FLI1: variants seen among roughly 807,000 people sequenced by gnomAD.
The protein encoded by FLI1 is Fli-1 proto-oncogene, ETS transcription factor, also known as Friend leukemia integration 1 transcription factor.
Under a neutral mutation model 53.1 loss-of-function variants are expected in FLI1, and 13 were observed. The ratio of observed to expected loss-of-function variants is 0.24; its 90% CI spans 0.16 to 0.39. The LOEUF (loss-of-function observed/expected upper bound fraction) is 0.39, where lower values mean the gene tolerates loss of function less well. FLI1 is among the 10% of genes least tolerant of loss of function. The probability of loss-of-function intolerance (pLI) is 1.00; values close to 1 mark genes in which losing one functional copy is unlikely to be tolerated. For synonymous variants in FLI1, 244 were observed against 236.7 expected (o/e 1.03, Z -0.28); for missense variants, 424 against 600.5 (o/e 0.71, Z 3.07).
intron 1 of FLI1, among the ~76,000 whole-genome samples, chr11:128,718,888 A>G (rs1410463730): frequency 6.6e-6 from 1 of 152,172 alleles, no homozygotes; most frequent in Admixed American, 6.5e-5. Context: ...GCAGATGTGG[A>G]TCCAAATTGG....
chr11:128,807,743 C>G (rs1479359544), intron 7 of FLI1, among the ~76,000 whole-genome samples: 1 of 152,064 alleles, frequency 6.6e-6, no homozygotes, highest in Non-Finnish European at 1.5e-5. Flanking sequence ...TCTATCCTAC[C>G]CTCACCTCTA....
chr11:128,715,238 A>C (rs1364716075), intron 1 of FLI1, among the ~76,000 whole-genome samples: 1 of 152,186 alleles, frequency 6.6e-6, no homozygotes, highest in Non-Finnish European at 1.5e-5. Context: ...AAACATATAC[A>C]ATTAATTATT....
At chr11:128,708,972 A>G (rs1168942861) in intron 1 of FLI1, among the ~76,000 whole-genome samples, 1 of 152,226 alleles carries the variant, frequency 6.6e-6, no homozygotes, top group African/African-American at 2.4e-5. Flanking sequence ...AAAAAAGGTG[A>G]GACAAAACCT....
At chr11:128,724,411 A>G (rs1939385725) in intron 1 of FLI1, among the ~76,000 whole-genome samples, 2 of 152,188 alleles carry the variant, frequency 1.3e-5, no homozygotes, top group Non-Finnish European at 2.9e-5. Context: ...TGACCCCAGA[A>G]AGCCTATTGT....
At chr11:128,809,481 G>C (rs964509218) in intron 8 of FLI1, among the ~76,000 whole-genome samples, 1 of 151,986 alleles carries the variant, frequency 6.6e-6, no homozygotes, top group African/African-American at 2.4e-5. Context: ...GGCACAGGTA[G>C]GTAGGCGTTT....
At chr11:128,696,967 A>C (rs1938105665) in intron 1 of FLI1, among the ~76,000 whole-genome samples, 1 of 152,160 alleles carries the variant, frequency 6.6e-6, no homozygotes, top group Non-Finnish European at 1.5e-5. Context: ...CCCTCCTTAT[A>C]AGTCCCTCCA....
chr11:128,794,620 C>T lies in FLI1; in HGVS notation c.656-10746C>T, dbSNP rs12225770. 3.2e-3 allele frequency among the ~76,000 whole-genome samples: 481 copies of T among 152,318 alleles called. 17 individuals carry two copies. The East Asian group carries it at 0.08, about 25-fold the overall frequency. On this transcript the variant is annotated intron_variant, in intron 5 of 8. Transcript: ENST00000527786. ...CTTTTTATAGATTGAATAACTCTCT[C>T]TCTTCAGAAGCCCTTATCTAAGATA...
chr11:128,694,286 G>T lies in FLI1; in HGVS notation c.18+10G>T. The T allele has an allele frequency of 7.3e-7, 1 of 1,371,780 alleles. No individual in the cohort carries two copies. The highest frequency in any genetic ancestry group is 2.8e-5 in the East Asian group (1 of 35,604). The allele number at this position is 1,371,780 out of a possible 1,614,324, so 85.0% of individuals were successfully genotyped here. ...GGACGGGACTATTAAGGTAAGCGGC[G>T]GGGCAACGGACGCGGGCGGCGGGGA... On this transcript the variant is annotated intron_variant, in intron 1 of 8. Transcript: ENST00000527786.
Position 128,799,046 on chromosome 11 carries a change from A to ATTTTTTT in FLI1, c.656-6318_656-6317insTTTTTTT, listed in dbSNP as rs759935387. Among the ~76,000 whole-genome samples, 206 of 135,786 alleles carry ATTTTTTT rather than the reference A, an allele frequency of 1.5e-3. 5 individuals are homozygous for ATTTTTTT. The highest frequency in any genetic ancestry group is 1.5e-3 in the African/African-American group (53 of 36,060). 89.1% of individuals were successfully genotyped at this position (135,786 alleles called of 152,430 possible). On this transcript the variant is annotated intron_variant, in intron 5 of 8. Coordinates refer to ENST00000527786, the MANE Select transcript of FLI1 (RefSeq NM_002017.5). ...TATTATTATTATTATTATTATTATT[A>ATTTTTTT]TTATTATTTTGCTTTGGAGACAGGA...
intron 1 of FLI1, among the ~76,000 whole-genome samples, chr11:128,711,621 T>C (rs1407967599): frequency 3.9e-5 from 6 of 152,378 alleles, no homozygotes; most frequent in Admixed American, 6.5e-5. Context: ...TACCTTTTCA[T>C]TGAAAAATAA....
chr11:128,700,261 T>C (rs138315886), intron 1 of FLI1, among the ~76,000 whole-genome samples: 50 of 152,302 alleles, frequency 3.3e-4, no homozygotes, highest in Admixed American at 6.5e-4. Context: ...CTCTACTTCA[T>C]ATGGAAGAAG....
intron 5 of FLI1, among the ~76,000 whole-genome samples, chr11:128,786,953 C>T (rs954679588): frequency 1.3e-5 from 2 of 152,186 alleles, no homozygotes; most frequent in Non-Finnish European, 1.5e-5. Flanking sequence ...CCATTGAACA[C>T]GGAAACTGAA....
chr11:128,787,948 A>G lies in FLI1; in HGVS notation c.655+5925A>G, dbSNP rs372218053. Among the ~76,000 whole-genome samples, 36 of 151,882 alleles carry G rather than the reference A, an allele frequency of 2.4e-4. No individual in the cohort carries two copies. The East Asian group carries it at 6.1e-3, about 26-fold the overall frequency. On this transcript the variant is annotated intron_variant, in intron 5 of 8. Transcript: ENST00000527786. ...CAGCCTCCTGAGTAGCTGGGACTAC[A>G]GGTGCCCGCCACCACGCCCAGCTAA...
intron 1 of FLI1, among the ~76,000 whole-genome samples, chr11:128,724,810 A>T (rs1163745985): frequency 6.6e-6 from 1 of 152,208 alleles, no homozygotes; most frequent in Non-Finnish European, 1.5e-5. Flanking sequence ...CTCTCAGGTC[A>T]AAGCAGGCCT....
chr11:128,809,645 T>C (rs567923267), intron 8 of FLI1, among the ~76,000 whole-genome samples: 2 of 152,348 alleles, frequency 1.3e-5, no homozygotes, highest in African/African-American at 2.4e-5. Flanking sequence ...ATAAAAGAGA[T>C]GTGTCCTGGA....
chr11:128,801,724 T>A (rs892182975), intron 5 of FLI1, among the ~76,000 whole-genome samples: 7 of 152,192 alleles, frequency 4.6e-5, no homozygotes, highest in Admixed American at 3.3e-4. Flanking sequence ...AAGAATTGTG[T>A]GTATGTAGCA....
chr11:128,723,964 C>T (rs1449353975), intron 1 of FLI1, among the ~76,000 whole-genome samples: 2 of 86,948 alleles, frequency 2.3e-5, no homozygotes, highest in African/African-American at 9.0e-5. Flanking sequence ...TTTTTTGAGA[C>T]GGAGTTTCAC....
intron 1 of FLI1, among the ~76,000 whole-genome samples, chr11:128,757,651 C>T (rs1210806313): frequency 6.6e-6 from 1 of 152,236 alleles, no homozygotes; most frequent in Non-Finnish European, 1.5e-5. Flanking sequence ...CTGGGTGGAT[C>T]TCACTGGCCT....
chr11:128,784,268 C>T (rs112451680), intron 5 of FLI1, among the ~76,000 whole-genome samples: 1 of 130,228 alleles, frequency 7.7e-6, no homozygotes, highest in Non-Finnish European at 1.6e-5. Flanking sequence ...TCCTCCTCCT[C>T]CTGCTGTCTT....
Sources: gnomAD v4.1 joint callset for allele counts (sites outside exome capture counted in the v4.1 genomes callset) on GRCh38, gnomAD v4.1.1 for gene constraint, MANE v1.5 for transcripts, NCBI Gene and HGNC (gene_info 2026-07-23, HGNC 2026-07-21) for gene names.